ZBTB7C: variants seen among roughly 807,000 people sequenced by gnomAD.
ZBTB7C encodes zinc finger and BTB domain-containing protein 7C.
Under a neutral mutation model 25.7 loss-of-function variants are expected in ZBTB7C, and 8 were observed. The ratio of observed to expected loss-of-function variants is 0.31; its 90% CI spans 0.18 to 0.56. The LOEUF (loss-of-function observed/expected upper bound fraction) is 0.56. Ranked by LOEUF, ZBTB7C falls within the 20% of genes least tolerant of loss-of-function variation. ZBTB7C has a pLI of 0.91. For synonymous variants in ZBTB7C, 394 were observed against 369.0 expected (o/e 1.07, Z -0.78); for missense variants, 824 against 855.2 (o/e 0.96, Z 0.46).
In ZBTB7C at chr18:48,027,772, C is replaced by T. The variant is rs1483273757; in HGVS notation, c.*1488G>A. On this transcript the variant is annotated 3_prime_UTR_variant, in exon 5 of 5. Coordinates refer to ENST00000590800, the MANE Select transcript of ZBTB7C (RefSeq NM_001318841.2). ...TGGGCTCTCCCTGGGGACGAACCCTCCTCCTCTCTGGGCTGCTCAGAAACC... is the reference window on the plus strand; with the variant it reads ...TGGGCTCTCCCTGGGGACGAACCCTTCTCCTCTCTGGGCTGCTCAGAAACC... 1 of 152,256 alleles carries T rather than the reference C, an allele frequency of 6.6e-6. No individual in the cohort carries two copies. The highest frequency in any genetic ancestry group is 2.4e-5 in the African/African-American group (1 of 41,456). The allele number at this position is 152,256 out of a possible 1,614,324, so 9.4% of individuals were successfully genotyped here. A position where few individuals can be genotyped will look rare whatever the true frequency, so the allele number is the denominator to read the frequency against.
intron 3 of ZBTB7C, chr18:48,077,016 G>A: frequency 1.0e-6 from 1 of 975,824 alleles, no homozygotes; most frequent in Non-Finnish European, 1.2e-6. Context: ...TCCAGCAAAG[G>A]TCACAGGAAG....
intron 2 of ZBTB7C, among the ~76,000 whole-genome samples, chr18:48,231,097 G>C (rs1181505270): frequency 6.6e-6 from 1 of 152,186 alleles, no homozygotes; most frequent in Non-Finnish European, 1.5e-5. Context: ...GGCACTAACA[G>C]CCTGGGCGCA....
At chr18:48,306,194 T>C (rs562160431) in intron 2 of ZBTB7C, among the ~76,000 whole-genome samples, 1 of 152,292 alleles carries the variant, frequency 6.6e-6, no homozygotes, top group African/African-American at 2.4e-5. Context: ...TTTAATGGGC[T>C]GAGGGTGGGT....
intron 1 of ZBTB7C, among the ~76,000 whole-genome samples, chr18:48,401,856 T>A (rs77438678): frequency 0.035 from 5,358 of 151,926 alleles, 309 homozygotes; most frequent in African/African-American, 0.12. Context: ...AGGCCTCACC[T>A]CCTCCAAAAA....
intron 3 of ZBTB7C, among the ~76,000 whole-genome samples, chr18:48,174,437 A>G (rs1287807208): frequency 6.6e-6 from 1 of 152,280 alleles, no homozygotes; most frequent in Non-Finnish European, 1.5e-5. Flanking sequence ...AAACTTGACA[A>G]TAACGTCTGT....
intron 2 of ZBTB7C, among the ~76,000 whole-genome samples, chr18:48,202,757 G>A (rs983561657): frequency 1.3e-5 from 2 of 151,950 alleles, no homozygotes; most frequent in Non-Finnish European, 2.9e-5. Context: ...CCTGAACAGA[G>A]GTGGAACACG....
intron 2 of ZBTB7C, among the ~76,000 whole-genome samples, chr18:48,223,905 T>C (rs1347862655): frequency 6.6e-6 from 1 of 152,136 alleles, no homozygotes; most frequent in African/African-American, 2.4e-5. Context: ...CAGAAAACCT[T>C]GGAGACAGAA....
intron 3 of ZBTB7C, among the ~76,000 whole-genome samples, chr18:48,061,272 C>G (rs906226216): frequency 6.6e-6 from 1 of 152,204 alleles, no homozygotes. Context: ...AAGGCTGGAT[C>G]ATTTACACAT....
At chr18:48,050,330 G>A (rs994023184) in intron 3 of ZBTB7C, among the ~76,000 whole-genome samples, 4 of 152,158 alleles carry the variant, frequency 2.6e-5, no homozygotes, top group South Asian at 4.1e-4. Flanking sequence ...CCCAGAGGCT[G>A]GAACCAGACA....
chr18:48,042,504 T>TTTATC (rs1002001397), intron 3 of ZBTB7C, among the ~76,000 whole-genome samples: 3 of 152,122 alleles, frequency 2.0e-5, no homozygotes, highest in Non-Finnish European at 4.4e-5. Flanking sequence ...TCCTTACACA[T>TTTATC]TTATCTTCTG....
chr18:48,053,836 G>C (rs2036796926), intron 3 of ZBTB7C, among the ~76,000 whole-genome samples: 1 of 152,214 alleles, frequency 6.6e-6, no homozygotes, highest in African/African-American at 2.4e-5. Flanking sequence ...GAGGCAGATG[G>C]GGTGCCTGGG....
At position 48,040,053 on chromosome 18, in the gene ZBTB7C, A is replaced by G. The variant is rs200790874; in HGVS notation, c.1055T>C (p.Leu352Pro). The G allele has an allele frequency of 1.2e-6, 2 of 1,613,948 alleles. No homozygotes were observed. The highest frequency in any genetic ancestry group is 1.7e-6 in the Non-Finnish European group (2 of 1,179,932). ...GGGCTTCAGCTTGCGCTCTTCTACC[A>G]GGGGCCAGGGTGGGAAGAGGCCTCC... ...HLGGLFPPWP[L>P]VEERKLKPKA... Residue 352 changes from leucine (L) to proline (P), a missense_variant, in exon 4 of 5, where the codon CTG (leucine) becomes CCG (proline). Transcript: ENST00000590800.
At chr18:48,126,950 G>C (rs544759052) in intron 3 of ZBTB7C, among the ~76,000 whole-genome samples, 1 of 152,154 alleles carries the variant, frequency 6.6e-6, no homozygotes, top group Non-Finnish European at 1.5e-5. Flanking sequence ...GAGGAAAGGG[G>C]GAGGGAAAAG....
chr18:48,320,628 G>C (rs2046067833), intron 2 of ZBTB7C, among the ~76,000 whole-genome samples: 1 of 152,176 alleles, frequency 6.6e-6, no homozygotes. Flanking sequence ...TGACAGCCAA[G>C]GCCAGACATG....
intron 3 of ZBTB7C, among the ~76,000 whole-genome samples, chr18:48,171,498 C>T (rs967128053): frequency 3.3e-5 from 5 of 152,368 alleles, no homozygotes; most frequent in Admixed American, 2.0e-4. Flanking sequence ...AGCAACTATG[C>T]GGCTGGAAGG....
At chr18:48,289,411 AAAT>A (rs1449497059) in intron 2 of ZBTB7C, among the ~76,000 whole-genome samples, 1 of 152,028 alleles carries the variant, frequency 6.6e-6, no homozygotes, top group Non-Finnish European at 1.5e-5. Flanking sequence ...TAGCAATGAA[AAAT>A]AATGAGACAG....
intron 3 of ZBTB7C, among the ~76,000 whole-genome samples, chr18:48,100,324 C>T (rs1171836934): frequency 2.0e-5 from 3 of 152,174 alleles, no homozygotes; most frequent in Non-Finnish European, 2.9e-5. Flanking sequence ...TTAAGCCCCT[C>T]GGTGAGCAGG....
At chr18:48,328,714 C>T (rs1361523285) in intron 2 of ZBTB7C, among the ~76,000 whole-genome samples, 1 of 152,144 alleles carries the variant, frequency 6.6e-6, no homozygotes, top group African/African-American at 2.4e-5. Context: ...TGTACTCTTT[C>T]CATATACCAC....
intron 3 of ZBTB7C, among the ~76,000 whole-genome samples, chr18:48,175,471 A>G (rs2041639137): frequency 6.6e-6 from 1 of 152,242 alleles, no homozygotes; most frequent in African/African-American, 2.4e-5. Flanking sequence ...ATTGGTATGG[A>G]TTCACAATTT....
Sources: gnomAD v4.1 joint callset for allele counts (sites outside exome capture counted in the v4.1 genomes callset) on GRCh38, gnomAD v4.1.1 for gene constraint, MANE v1.5 for transcripts, NCBI Gene and HGNC (gene_info 2026-07-23, HGNC 2026-07-21) for gene names.